The following GALNT17 variants were observed in gnomAD, a reference collection of about 807,000 sequenced individuals.
GALNT17 encodes polypeptide N-acetylgalactosaminyltransferase 17.
In GALNT17, 29 loss-of-function variants were observed where a neutral mutation model predicts 63.7. The observed-to-expected ratio is 0.46, with a 90% CI of 0.34 to 0.62. GALNT17 has a LOEUF of 0.62. Among genes scored for constraint, GALNT17 ranks in the 20% least tolerant of loss-of-function variants. The pLI is 0.01. For synonymous variants in GALNT17, 305 were observed against 318.3 expected (o/e 0.96, Z 0.45); for missense variants, 603 against 799.6 (o/e 0.75, Z 2.97).
chr7:71,509,694 C>T (rs1254593539), intron 5 of GALNT17, among the ~76,000 whole-genome samples: 1 of 152,104 alleles, frequency 6.6e-6, no homozygotes, highest in African/African-American at 2.4e-5. Flanking sequence ...CATGCAATTC[C>T]TTTGGGAGCT....
At position 71,263,706 on chromosome 7, in the gene GALNT17, T is replaced by G. The variant is rs552973999; in HGVS notation, c.239-71844T>G. 3.7e-3 allele frequency among the ~76,000 whole-genome samples: 555 copies of G among 151,642 alleles called. 3 individuals carry two copies. Among genetic ancestry groups the G allele is most frequent in the Admixed American group, 5.3e-3 (80 of 15,226 alleles). On this transcript the variant is annotated intron_variant, in intron 1 of 10. Transcript: ENST00000333538. ...TGAGAGGCCAAGGCGGGCGGATCAC[T>G]AGGTCAGGAGATCGAGACCATCCTG...
chr7:71,286,504 T>C (rs1790875707), intron 1 of GALNT17, among the ~76,000 whole-genome samples: 1 of 152,212 alleles, frequency 6.6e-6, no homozygotes, highest in Non-Finnish European at 1.5e-5. Context: ...GGGCCAGTAT[T>C]ATTCCCGTTC....
chr7:71,173,563 A>G (rs1451998774), intron 1 of GALNT17, among the ~76,000 whole-genome samples: 1 of 152,122 alleles, frequency 6.6e-6, no homozygotes, highest in Middle Eastern at 3.2e-3. Context: ...ATTTGAAGTC[A>G]GGAATTCGAG....
chr7:71,174,733 G>A (rs1177860242), intron 1 of GALNT17, among the ~76,000 whole-genome samples: 1 of 152,058 alleles, frequency 6.6e-6, no homozygotes, highest in Non-Finnish European at 1.5e-5. Flanking sequence ...GTTAGGGTGG[G>A]GCAGAAACAA....
intron 9 of GALNT17, among the ~76,000 whole-genome samples, chr7:71,706,253 C>A (rs950867128): frequency 2.0e-5 from 3 of 152,164 alleles, no homozygotes; most frequent in African/African-American, 7.2e-5. Context: ...AGGGGCCCTC[C>A]TCACCTGCCC....
chr7:71,324,427 G>C (rs912508022), intron 1 of GALNT17, among the ~76,000 whole-genome samples: 3 of 152,178 alleles, frequency 2.0e-5, no homozygotes, highest in Non-Finnish European at 4.4e-5. Flanking sequence ...GAGGTGGGCA[G>C]ATCACCTGAG....
At chr7:71,586,639 AT>A (rs1399060408) in intron 6 of GALNT17, among the ~76,000 whole-genome samples, 1 of 151,218 alleles carries the variant, frequency 6.6e-6, no homozygotes, top group East Asian at 1.9e-4. Context: ...CTTTTGCAGT[AT>A]TTGGTATTGT....
intron 1 of GALNT17, among the ~76,000 whole-genome samples, chr7:71,178,277 A>C (rs368902005): frequency 6.6e-6 from 1 of 152,026 alleles, no homozygotes. Flanking sequence ...GTTCATTATC[A>C]TTTGTATTAT....
At chr7:71,313,652 A>G (rs1345220185) in intron 1 of GALNT17, among the ~76,000 whole-genome samples, 1 of 152,246 alleles carries the variant, frequency 6.6e-6, no homozygotes, top group Non-Finnish European at 1.5e-5. Context: ...ATGGTGAGCC[A>G]TAGCTCAGTA....
intron 1 of GALNT17, among the ~76,000 whole-genome samples, chr7:71,172,839 C>T (rs755032778): frequency 2.0e-5 from 3 of 152,154 alleles, no homozygotes; most frequent in Non-Finnish European, 4.4e-5. Flanking sequence ...CCTCATACTC[C>T]TGTTTGCTTT....
intron 1 of GALNT17, among the ~76,000 whole-genome samples, chr7:71,234,583 G>A (rs1286533931): frequency 1.3e-5 from 2 of 152,060 alleles, no homozygotes; most frequent in Admixed American, 1.3e-4. Context: ...TAACCTTGAA[G>A]TACAAACCAA....
At chr7:71,140,711 C>T (rs979837968) in intron 1 of GALNT17, among the ~76,000 whole-genome samples, 1 of 152,158 alleles carries the variant, frequency 6.6e-6, no homozygotes, top group African/African-American at 2.4e-5. Flanking sequence ...GATTAGATGA[C>T]CTGCGAGTCT....
chr7:71,360,702 A>T (rs1321526599), intron 2 of GALNT17, among the ~76,000 whole-genome samples: 3 of 152,118 alleles, frequency 2.0e-5, no homozygotes, highest in Admixed American at 2.0e-4. Flanking sequence ...GGAGGCCAAG[A>T]TGGGCAGATC....
intron 6 of GALNT17, among the ~76,000 whole-genome samples, chr7:71,600,427 CA>C (rs1314205534): frequency 6.6e-6 from 1 of 152,014 alleles, no homozygotes; most frequent in Non-Finnish European, 1.5e-5. Context: ...ATTAGCAAGG[CA>C]CGGAAAACCA....
chr7:71,204,290 G>A (rs747220011), intron 1 of GALNT17, among the ~76,000 whole-genome samples: 11 of 152,056 alleles, frequency 7.2e-5, no homozygotes, highest in Admixed American at 3.9e-4. Flanking sequence ...ATGCTGTTTT[G>A]ATTACTATAT....
At chr7:71,569,097 G>A (rs1204239253) in intron 5 of GALNT17, among the ~76,000 whole-genome samples, 5 of 152,022 alleles carry the variant, frequency 3.3e-5, no homozygotes, top group Admixed American at 6.6e-5. Flanking sequence ...TCAGCCTCCC[G>A]AGTAGCTGAG....
chr7:71,292,635 G>C (rs1035188560), intron 1 of GALNT17, among the ~76,000 whole-genome samples: 12 of 100,410 alleles, frequency 1.2e-4, no homozygotes, highest in Admixed American at 1.1e-3. Flanking sequence ...TTGGGAGAGG[G>C]AGAGAGAGAG....
intron 6 of GALNT17, among the ~76,000 whole-genome samples, chr7:71,602,077 A>G (rs547657129): frequency 6.6e-5 from 10 of 152,300 alleles, no homozygotes; most frequent in African/African-American, 2.2e-4. Context: ...GTGAATCAAT[A>G]TGCTCCCGAC....
intron 5 of GALNT17, among the ~76,000 whole-genome samples, chr7:71,489,886 C>T (rs905282107): frequency 2.0e-5 from 3 of 152,160 alleles, no homozygotes; most frequent in African/African-American, 7.2e-5. Flanking sequence ...TGAATCTCTG[C>T]ATTGGCCACG....
Sources: gnomAD v4.1 joint callset for allele counts (sites outside exome capture counted in the v4.1 genomes callset) on GRCh38, gnomAD v4.1.1 for gene constraint, MANE v1.5 for transcripts, NCBI Gene and HGNC (gene_info 2026-07-23, HGNC 2026-07-21) for gene names.